Variants in GEN1 observed in about 807,000 individuals in gnomAD.
GEN1 encodes the protein GEN1 structure-specific endonuclease, also known as flap endonuclease GEN homolog 1.
GEN1 carries 64 observed loss-of-function variants against 67.6 expected under a neutral mutation model. The ratio of observed to expected loss-of-function variants is 0.95; its 90% CI spans 0.77 to 1.17. GEN1 has a LOEUF of 1.17. Ranked by LOEUF, GEN1 falls within the 50% of genes most tolerant of loss-of-function variation. GEN1 has a pLI of 0.00. For missense variants in GEN1, 1,058 were observed against 1,048.3 expected (o/e 1.01, Z -0.13); for synonymous variants, 371 against 359.4 (o/e 1.03, Z -0.37).
rs1218969844 is a variant in GEN1, at chr2:17,785,585, G to C, written c.*3646G>C. ...TAAGTCCTTGGCGGTTTTTCTTTTA[G>C]ATTTTTTTCCATATAAAATCTCTAT... On this transcript the variant is annotated 3_prime_UTR_variant, in exon 14 of 14. Transcript: ENST00000381254. 1.2e-5 allele frequency: 1 copy of C among 85,192 alleles called. No homozygotes were observed. Among genetic ancestry groups the C allele is most frequent in the Non-Finnish European group, 2.4e-5 (1 of 41,236 alleles). The allele number at this position is 85,192 out of a possible 1,614,324, so 5.3% of individuals were successfully genotyped here.
At position 17,781,467 on chromosome 2, in the gene GEN1, C is replaced by T. The variant is rs995611512; in HGVS notation, c.2255C>T (p.Thr752Ile). ...QLLQEDYKVN[T>I]SVPYSVSNTV... ...CTTCAAGAAGACTATAAAGTCAATA[C>T]TTCTGTCCCTTATTCTGTCAGTAAC... Residue 752 changes from threonine to isoleucine, a missense_variant, in exon 14 of 14, where the codon ACT (threonine) becomes ATT (isoleucine). Physicochemically the swap from Thr to Ile is moderately conservative, Grantham distance 89. Coordinates refer to ENST00000381254, the MANE Select transcript of GEN1 (RefSeq NM_001130009.3). The T allele has an allele frequency of 1.2e-6, 2 of 1,613,470 alleles. No homozygotes were observed. Among genetic ancestry groups the T allele is most frequent in the Non-Finnish European group, 1.7e-6 (2 of 1,179,866 alleles).
chr2:17,778,271 TATATGTATATACACACAC>T lies in GEN1; in HGVS notation c.1264+211_1264+228del, dbSNP rs1558409014. 4.4e-3 allele frequency among the ~76,000 whole-genome samples: 385 copies of T among 87,574 alleles called. 119 individuals are homozygous for T. The highest frequency in any genetic ancestry group is 7.9e-3 in the African/African-American group (208 of 26,414). 57.5% of individuals were successfully genotyped at this position (87,574 alleles called of 152,430 possible). On this transcript the variant is annotated intron_variant, in intron 12 of 13. Transcript: ENST00000381254. ...ATGTATACACACATATGTGTGTACA[TATATGTATATACACACAC>T]ATGTGTGTGTACATATATGTATATA...
Position 17,778,070 on chromosome 2 carries a change from A to G in GEN1, c.1264+7A>G. On this transcript the variant is annotated splice_region_variant and intron_variant, in intron 12 of 13. Transcript: ENST00000381254. Reference sequence around the variant, plus strand: ...ATAGAATGGGAAAAGCCTGGTATGTATTCACTTTAAGCAAAATATTCCATT... The same window carrying G: ...ATAGAATGGGAAAAGCCTGGTATGTGTTCACTTTAAGCAAAATATTCCATT... The G allele has an allele frequency of 1.9e-6, 3 of 1,550,994 alleles. No homozygotes were observed. The highest frequency in any genetic ancestry group is 1.1e-5 in the South Asian group (1 of 89,374).
intron 1 of GEN1, among the ~76,000 whole-genome samples, chr2:17,757,906 A>T (rs1402173461): frequency 1.3e-5 from 2 of 152,242 alleles, no homozygotes; most frequent in African/African-American, 4.8e-5. Context: ...ATGGTATTTT[A>T]AAAATGAAAC....
chr2:17,780,886 T>A lies in GEN1; in HGVS notation c.1674T>A (p.Ala558=), dbSNP rs138268141. ...LRPLAIQQIK[A]VSKSLISESS... is the part of the protein sequence containing the mutation. ...CTTTGGCTATACAGCAAATTAAAGCTGTCAGTAAGTCTCTAATTTCAGAAT... is the reference window on the plus strand; with the variant it reads ...CTTTGGCTATACAGCAAATTAAAGCAGTCAGTAAGTCTCTAATTTCAGAAT... Residue 558 remains alanine, a synonymous_variant, in exon 14 of 14, where the codon GCT becomes GCA. Transcript: ENST00000381254. 2.7e-5 allele frequency: 43 copies of A among 1,613,904 alleles called. No individual in the cohort carries two copies. In the African/African-American group the frequency reaches 5.6e-4, roughly 21 times the overall value.
intron 11 of GEN1, among the ~76,000 whole-genome samples, chr2:17,777,262 T>TA (rs1672475267): frequency 6.6e-6 from 1 of 152,208 alleles, no homozygotes; most frequent in Non-Finnish European, 1.5e-5. Flanking sequence ...TTGGATAATT[T>TA]AATAAACTGA....
intron 5 of GEN1, 94 bp from the exon 6 acceptor site, chr2:17,768,644 T>G: frequency 5.7e-6 from 5 of 882,676 alleles, no homozygotes; most frequent in African/African-American, 3.4e-5. Flanking sequence ...GTTACCTCAT[T>G]CTTTCAGCTG....
chr2:17,754,753 GTTATAGTAA>G (rs1671324839), intron 1 of GEN1: 1 of 152,194 alleles, frequency 6.6e-6, no homozygotes, highest in Non-Finnish European at 1.5e-5. Flanking sequence ...ATATAGTTCT[GTTATAGTAA>G]TTACTTTAAG....
chr2:17,770,425 T>C (rs893946806), intron 6 of GEN1, among the ~76,000 whole-genome samples: 4 of 152,150 alleles, frequency 2.6e-5, no homozygotes, highest in African/African-American at 7.2e-5. Context: ...ATAGTAACTC[T>C]TAAGTACCAG....
At chr2:17,776,944 G>T (rs913446344) in intron 11 of GEN1, among the ~76,000 whole-genome samples, 2 of 152,056 alleles carry the variant, frequency 1.3e-5, no homozygotes, top group African/African-American at 2.4e-5. Flanking sequence ...GGCCAACATA[G>T]CGAAAACACC....
chr2:17,778,167 G>A lies in GEN1; in HGVS notation c.1264+104G>A, dbSNP rs1425630079. The A allele has an allele frequency of 2.5e-4, 109 of 441,812 alleles. 1 individual carries two copies. The highest frequency in any genetic ancestry group is 4.3e-4 in the Non-Finnish European group (104 of 241,978). 27.4% of individuals were successfully genotyped at this position (441,812 alleles called of 1,614,324 possible). A position where few individuals can be genotyped will look rare whatever the true frequency, so the allele number is the denominator to read the frequency against. On this transcript the variant is annotated intron_variant, in intron 12 of 13. Transcript: ENST00000381254. ...ATATATATATATACACACACACATA[G>A]ATATGTGTATATATATATATACACA...
Position 17,781,537 on chromosome 2 carries a change from A to C in GEN1, c.2325A>C (p.Leu775Phe). 1 of 1,613,870 alleles carries C rather than the reference A, an allele frequency of 6.2e-7. No homozygotes were observed. The highest frequency in any genetic ancestry group is 1.3e-5 in the African/African-American group (1 of 75,052). Reference protein sequence around the residue: ...TCNVRPPNTALDHSRKVDMQT... With the variant: ...TCNVRPPNTAFDHSRKVDMQT... ...ATGTTAGACCACCAAATACTGCTTT[A>C]GATCATAGTAGAAAAGTTGATATGC... Residue 775 changes from leucine (L) to phenylalanine (F), a missense_variant, in exon 14 of 14, where the codon TTA becomes TTC. By Grantham distance (22) the Leu-to-Phe change is conservative. Coordinates refer to ENST00000381254, the MANE Select transcript of GEN1 (RefSeq NM_001130009.3).
rs900017817 is a variant in GEN1, at chr2:17,782,224, C to G, written c.*285C>G. On this transcript the variant is annotated 3_prime_UTR_variant, in exon 14 of 14. Coordinates refer to ENST00000381254, the MANE Select transcript of GEN1 (RefSeq NM_001130009.3). The stretch of plus-strand genomic sequence containing the variant: ...ATAGTACTTGACAGAGTAAATACTT[C>G]ATCTGATTGTTCATTTTTACTTTTT... 1 of 210,150 alleles carries G rather than the reference C, an allele frequency of 4.8e-6. No homozygotes were observed. The highest frequency in any genetic ancestry group is 9.4e-6 in the Non-Finnish European group (1 of 106,838). 13.0% of individuals were successfully genotyped at this position (210,150 alleles called of 1,614,324 possible).
chr2:17,778,260 A>ACATATATGTATACACACACACATG lies in GEN1; in HGVS notation c.1264+197_1264+198insCATATATGTATACACACACACATG, dbSNP rs1478222085. Among the ~76,000 whole-genome samples the ACATATATGTATACACACACACATG allele has an allele frequency of 8.1e-5, 3 of 37,252 alleles. No individual in the cohort carries two copies. In the Admixed American group the frequency reaches 1.4e-3, roughly 17 times the overall value. The allele number at this position is 37,252 out of a possible 152,430, so 24.4% of individuals were successfully genotyped here. On this transcript the variant is annotated intron_variant, in intron 12 of 13. Coordinates refer to ENST00000381254, the MANE Select transcript of GEN1 (RefSeq NM_001130009.3). The stretch of plus-strand genomic sequence containing the variant: ...TGTGTACATATATGTATACACACAT[A>ACATATATGTATACACACACACATG]TGTGTGTACATATATGTATATACAC...
Position 17,781,487 on chromosome 2 carries a change from A to AT in GEN1, c.2275_2276insT (p.Ser759MetfsTer2), listed in dbSNP as rs1672832667. 3.7e-6 allele frequency: 6 copies of AT among 1,613,548 alleles called. No homozygotes were observed. The highest frequency in any genetic ancestry group is 4.2e-6 in the Non-Finnish European group (5 of 1,179,950). On this transcript the variant is annotated frameshift_variant, in exon 14 of 14. Transcript: ENST00000381254. LOFTEE classifies it low-confidence loss of function (END_TRUNC). ...CAATACTTCTGTCCCTTATTCTGTCAGTAACACAGTGGTAAAGACCTGCAA... is the reference window on the plus strand; with the variant it reads ...CAATACTTCTGTCCCTTATTCTGTCATGTAACACAGTGGTAAAGACCTGCAA...
intron 6 of GEN1, 190 bp from the exon 7 acceptor site, chr2:17,771,006 C>T: frequency 1.5e-6 from 1 of 649,622 alleles, no homozygotes; most frequent in East Asian, 3.0e-5. Flanking sequence ...TTCTGCTGTC[C>T]TTGGGCCTTG....
intron 12 of GEN1, among the ~76,000 whole-genome samples, chr2:17,778,323 C>CAT (rs1553331284): frequency 3.2e-5 from 1 of 30,870 alleles, no homozygotes; most frequent in African/African-American, 1.1e-4. Flanking sequence ...TACACACACA[C>CAT]GTGTACATAT....
At chr2:17,779,684 C>T (rs1022795549) in intron 12 of GEN1, among the ~76,000 whole-genome samples, 8 of 152,032 alleles carry the variant, frequency 5.3e-5, no homozygotes, top group Admixed American at 1.3e-4. Context: ...TCACTGCAAC[C>T]TCTACCTCCC....
At chr2:17,771,142 C>T (rs577735722) in intron 6 of GEN1, 54 bp from the exon 7 acceptor site, 21 of 995,052 alleles carry the variant, frequency 2.1e-5, no homozygotes, top group Admixed American at 3.4e-5. Flanking sequence ...GAGAACATAC[C>T]GTTTTTGTGA....
Sources: allele counts gnomAD v4.1 joint callset (sites outside exome capture counted in the v4.1 genomes callset), GRCh38; gene constraint gnomAD v4.1.1; transcripts MANE v1.5; gene names NCBI Gene and HGNC (gene_info 2026-07-23, HGNC 2026-07-21).